Variants in ZNF624 observed in about 807,000 individuals in gnomAD.
The protein encoded by ZNF624 is zinc finger protein 624.
A neutral mutation model predicts 74.7 loss-of-function variants in ZNF624; 43 were observed. The ratio of observed to expected loss-of-function variants is 0.58; its 90% CI spans 0.45 to 0.74. The LOEUF is 0.74. Ranked by LOEUF, ZNF624 falls within the 30% of genes least tolerant of loss-of-function variation. ZNF624 has a pLI of 0.00. For synonymous variants in ZNF624, 331 were observed against 341.3 expected (o/e 0.97, Z 0.33); for missense variants, 820 against 1,030.0 (o/e 0.80, Z 2.79).
downstream of ZNF624, among the ~76,000 whole-genome samples, chr17:16,618,769 A>T (rs1396808862): frequency 7.3e-6 from 1 of 137,748 alleles, no homozygotes; most frequent in African/African-American, 3.1e-5. Context: ...AATAGTAAAT[A>T]TATTTTCTCT....
At chr17:16,617,498 A>G (rs1229004436), downstream of ZNF624, 4 of 1,598,430 alleles carry the variant, frequency 2.5e-6, no homozygotes, top group Non-Finnish European at 2.6e-6. Flanking sequence ...TGTCGCATAA[A>G]ATCCTTTAAA....
At position 16,623,575 on chromosome 17, in the gene ZNF624, G is replaced by A; in HGVS notation, c.1311C>T (p.Thr437=). Residue 437 remains threonine (T), a synonymous_variant, in exon 6 of 6, where the codon ACC becomes ACT. Transcript: ENST00000311331. The surrounding 1 kb of genome is among the most constrained non-coding windows in gnomAD (Gnocchi z 5.3). ...ACTGATATGGTTTCTCTTCAGTGTG[G>A]GTCTTCTGATGTACACTAAGATATG... The part of the protein sequence containing the change: ...NKSYLSVHQK[T]HTEEKPYQCN... The A allele has an allele frequency of 1.2e-6, 2 of 1,610,646 alleles. No homozygotes were observed. Among genetic ancestry groups the A allele is most frequent in the South Asian group, 1.1e-5 (1 of 90,394 alleles).
downstream of ZNF624, chr17:16,617,679 T>C: frequency 6.2e-7 from 1 of 1,602,376 alleles, no homozygotes; most frequent in Admixed American, 1.7e-5. Flanking sequence ...CCGGGCGTGC[T>C]CTACGATCAC....
intron 1 of ZNF624, among the ~76,000 whole-genome samples, chr17:16,651,324 G>A (rs1450511723): frequency 6.6e-6 from 1 of 151,938 alleles, no homozygotes; most frequent in Non-Finnish European, 1.5e-5. Flanking sequence ...CAGCTACTCG[G>A]GAGGCTGAGG....
intron 3 of ZNF624, among the ~76,000 whole-genome samples, chr17:16,641,367 C>T (rs1167678748): frequency 6.6e-6 from 1 of 152,130 alleles, no homozygotes; most frequent in East Asian, 1.9e-4. Context: ...ATTGCAACCT[C>T]CACCTCCCCA....
chr17:16,638,616 A>G (rs533721203), intron 3 of ZNF624, among the ~76,000 whole-genome samples: 1 of 152,324 alleles, frequency 6.6e-6, no homozygotes, highest in South Asian at 2.1e-4. Flanking sequence ...GCAAGGACAA[A>G]AAACCAAACA....
rs545523381 is a variant in ZNF624 at position 16,625,329 on chromosome 17, G to A, written c.377-820C>T. Among the ~76,000 whole-genome samples the A allele has an allele frequency of 9.9e-5, 15 of 152,202 alleles. 1 individual carries two copies. In the East Asian group the frequency reaches 2.9e-3, roughly 30 times the overall value. On this transcript the variant is annotated intron_variant, in intron 5 of 5. Coordinates refer to ENST00000311331, the MANE Select transcript of ZNF624 (RefSeq NM_020787.4). Reference sequence around the variant, plus strand: ...TCCGAGTAGCCGGGACTACAGTCATGTGCCACCACGCCCGGCTCATTTTTG... The same window carrying A: ...TCCGAGTAGCCGGGACTACAGTCATATGCCACCACGCCCGGCTCATTTTTG...
chr17:16,615,048 G>C, the ZNF624 span, among the ~76,000 whole-genome samples: 4 of 152,136 alleles, frequency 2.6e-5, no homozygotes, highest in Admixed American at 2.6e-4. Context: ...CAGGGTTTAG[G>C]GGGTGAAGTG....
At chr17:16,614,295 G>C in the ZNF624 span, among the ~76,000 whole-genome samples, 109 of 152,126 alleles carry the variant, frequency 7.2e-4, no homozygotes, top group African/African-American at 2.6e-3. Context: ...TTAAGTCCTA[G>C]AAAACCTAAT....
chr17:16,650,276 G>A (rs1025836107), intron 1 of ZNF624, among the ~76,000 whole-genome samples: 20 of 151,928 alleles, frequency 1.3e-4, no homozygotes, highest in African/African-American at 4.6e-4. Flanking sequence ...TCAGAGATCT[G>A]TTTCATGTAA....
chr17:16,651,920 T>A (rs963098156), intron 1 of ZNF624, among the ~76,000 whole-genome samples: 1 of 152,220 alleles, frequency 6.6e-6, no homozygotes, highest in Admixed American at 6.5e-5. Flanking sequence ...TAATATAATG[T>A]TAACATGTTA....
At chr17:16,626,923 C>T (rs1909086255) in intron 5 of ZNF624, among the ~76,000 whole-genome samples, 1 of 152,034 alleles carries the variant, frequency 6.6e-6, no homozygotes, top group Admixed American at 6.6e-5. Flanking sequence ...GGTGTGGTGG[C>T]ACACGCTTAT....
At chr17:16,617,116 C>A (rs1447067830), downstream of ZNF624, 1 of 1,612,950 alleles carries the variant, frequency 6.2e-7, no homozygotes. Flanking sequence ...TGAATGGGAG[C>A]CCCGATCAGA....
At chr17:16,634,863 T>C in intron 3 of ZNF624, 107 bp from the exon 4 acceptor site, 1 of 1,052,300 alleles carries the variant, frequency 9.5e-7, no homozygotes, top group East Asian at 2.4e-5. Context: ...AATCACCAAA[T>C]GATCATGTAG....
At position 16,621,167 on chromosome 17, in the gene ZNF624, A is replaced by C. The variant is rs1310395108; in HGVS notation, c.*1121T>G. 1.3e-5 allele frequency: 2 copies of C among 152,380 alleles called. No homozygotes were observed. The highest frequency in any genetic ancestry group is 3.9e-4 in the East Asian group (2 of 5,190). The allele number at this position is 152,380 out of a possible 1,614,324, so 9.4% of individuals were successfully genotyped here. The stretch of plus-strand genomic sequence containing the variant: ...GTATATATACATTTGTTATAAAGCA[A>C]TTATTTATCAATACATTGTGGAAAT... On this transcript the variant is annotated 3_prime_UTR_variant, in exon 6 of 6. Coordinates refer to ENST00000311331, the MANE Select transcript of ZNF624 (RefSeq NM_020787.4).
In ZNF624 at chr17:16,625,758, A is replaced by G. The variant is rs540221864; in HGVS notation, c.377-1249T>C. Among the ~76,000 whole-genome samples the G allele has an allele frequency of 5.9e-5, 9 of 152,280 alleles. No individual in the cohort carries two copies. The Middle Eastern group carries it at 0.01, about 173-fold the overall frequency. On this transcript the variant is annotated intron_variant, in intron 5 of 5. Transcript: ENST00000311331. Reference sequence around the variant, plus strand: ...AAGAACATTTCTGACAGTTTGTCAAAAATTCATTAAAAAAATTACACTGTG... The same window carrying G: ...AAGAACATTTCTGACAGTTTGTCAAGAATTCATTAAAAAAATTACACTGTG...
At position 16,623,891 on chromosome 17, in the gene ZNF624, T is replaced by C. The variant is rs868645787; in HGVS notation, c.995A>G (p.Tyr332Cys). The C allele has an allele frequency of 1.9e-6, 3 of 1,613,968 alleles. No homozygotes were observed. Among genetic ancestry groups the C allele is most frequent in the Middle Eastern group, 1.6e-4 (1 of 6,062 alleles). Residue 332 changes from tyrosine (Y) to cysteine (C), a missense_variant, in exon 6 of 6, where the codon TAT (tyrosine) becomes TGT (cysteine). Physicochemically the swap from Tyr to Cys is radical, Grantham distance 194. Transcript: ENST00000311331. This position sits in a 1 kb window ranked among gnomAD's most constrained non-coding sequence, Gnocchi z 5.3. ...HKKIHTGEKP[Y>C]KCNECGKAFI... ...GGCCTTTCCACATTCATTACATTTATAGGGTTTTTCTCCAGTGTGGATTTT... is the reference window on the plus strand; with the variant it reads ...GGCCTTTCCACATTCATTACATTTACAGGGTTTTTCTCCAGTGTGGATTTT...
chr17:16,622,044 T>G lies in ZNF624; in HGVS notation c.*244A>C. The G allele has an allele frequency of 3.3e-6, 1 of 299,466 alleles. No homozygotes were observed. The highest frequency in any genetic ancestry group is 6.1e-6 in the Non-Finnish European group (1 of 163,984). 18.6% of individuals were successfully genotyped at this position (299,466 alleles called of 1,614,324 possible). ...ATATAGGCAATTAACTAAAGATAATTTGTTAAATGAGTAAAGTATGAAATC... is the reference window on the plus strand; with the variant it reads ...ATATAGGCAATTAACTAAAGATAATGTGTTAAATGAGTAAAGTATGAAATC... On this transcript the variant is annotated 3_prime_UTR_variant, in exon 6 of 6. Transcript: ENST00000311331.
At chr17:16,617,921 G>C, downstream of ZNF624, 5 of 1,325,270 alleles carry the variant, frequency 3.8e-6, no homozygotes, top group South Asian at 1.2e-5. Flanking sequence ...GTTGTGGAAC[G>C]GCGGACCGCA....
Sources: gnomAD v4.1 joint callset for allele counts (sites outside exome capture counted in the v4.1 genomes callset) on GRCh38, gnomAD v4.1.1 for gene constraint, Gnocchi (gnomAD v3.1) non-coding constraint, MANE v1.5 for transcripts, NCBI Gene and HGNC (gene_info 2026-07-23, HGNC 2026-07-21) for gene names.